SPSB4: variants seen among roughly 807,000 people sequenced by gnomAD.
SPSB4 encodes SPRY domain-containing SOCS box protein 4.
In SPSB4, 21 loss-of-function variants were observed where a neutral mutation model predicts 20.9. The observed-to-expected ratio is 1.01, with a 90% CI of 0.71 to 1.45. The LOEUF (loss-of-function observed/expected upper bound fraction) is 1.45. Ranked by LOEUF, SPSB4 falls within the 40% of genes most tolerant of loss-of-function variation. SPSB4 has a pLI of 0.00. For missense variants in SPSB4, 399 were observed against 399.2 expected (o/e 1.00, Z 0.00); for synonymous variants, 207 against 183.8 (o/e 1.13, Z -1.02).
intron 2 of SPSB4, among the ~76,000 whole-genome samples, chr3:141,111,737 G>A (rs1247146307): frequency 2.0e-5 from 3 of 152,184 alleles, no homozygotes; most frequent in East Asian, 1.9e-4. Context: ...AGCAAATGGA[G>A]TGTTTGGGTC....
rs369063974 is a variant in SPSB4, at chr3:141,069,278, A to G, written c.694+2480A>G. Among the ~76,000 whole-genome samples the G allele has an allele frequency of 2.0e-4, 30 of 152,292 alleles. 1 individual carries two copies. In the East Asian group the frequency reaches 5.0e-3, roughly 25 times the overall value. On this transcript the variant is annotated intron_variant, in intron 2 of 2. Coordinates refer to ENST00000310546, the MANE Select transcript of SPSB4 (RefSeq NM_080862.3). The stretch of plus-strand genomic sequence containing the variant: ...AATCTCTGACTCCAGAGTGGGCCAT[A>G]GGAGAAGCTGCAGTGGAGTCTCGCA...
chr3:141,074,273 G>A (rs1370380222), intron 2 of SPSB4, among the ~76,000 whole-genome samples: 1 of 152,008 alleles, frequency 6.6e-6, no homozygotes, highest in Non-Finnish European at 1.5e-5. Context: ...TTTGCTACGA[G>A]GTGTCAGGAT....
intron 2 of SPSB4, among the ~76,000 whole-genome samples, chr3:141,083,630 C>T (rs1938281968): frequency 6.6e-6 from 1 of 152,038 alleles, no homozygotes. Context: ...GTGCTGTGCT[C>T]CCTGCCTGAT....
At chr3:141,095,639 G>T (rs1025398633) in intron 2 of SPSB4, among the ~76,000 whole-genome samples, 1 of 152,162 alleles carries the variant, frequency 6.6e-6, no homozygotes, top group Non-Finnish European at 1.5e-5. Flanking sequence ...CTGGGAAGCT[G>T]CCAGGACCTG....
intron 2 of SPSB4, among the ~76,000 whole-genome samples, chr3:141,140,272 G>T (rs1478273783): frequency 1.3e-5 from 2 of 151,866 alleles, no homozygotes; most frequent in Non-Finnish European, 2.9e-5. Flanking sequence ...CTTTGCCATT[G>T]GTTCAAACTT....
intron 2 of SPSB4, 64 bp from the exon 3 acceptor site, chr3:141,147,078 G>T: frequency 6.2e-7 from 1 of 1,600,928 alleles, no homozygotes; most frequent in Non-Finnish European, 8.5e-7. Flanking sequence ...ATGCAGTGGG[G>T]GCTGGGATGA....
chr3:141,106,029 T>C (rs980323469), intron 2 of SPSB4, among the ~76,000 whole-genome samples: 1 of 152,280 alleles, frequency 6.6e-6, no homozygotes, highest in Non-Finnish European at 1.5e-5. Flanking sequence ...CTATGGGCCA[T>C]TGGAAGGGAC....
At chr3:141,075,892 CAAAAAA>C (rs532646509) in intron 2 of SPSB4, among the ~76,000 whole-genome samples, 13,664 of 69,010 alleles carry the variant, frequency 0.2, 2,117 homozygotes, top group African/African-American at 0.44. Flanking sequence ...ACTAAAAATA[CAAAAAA>C]AAAAAAAAAA....
At chr3:141,074,783 C>A (rs1421607771) in intron 2 of SPSB4, among the ~76,000 whole-genome samples, 2 of 152,200 alleles carry the variant, frequency 1.3e-5, no homozygotes, top group Non-Finnish European at 2.9e-5. Context: ...GCCCTGAGGG[C>A]CGGCGTCCAC....
intron 2 of SPSB4, among the ~76,000 whole-genome samples, chr3:141,143,038 C>G (rs12489115): frequency 0.26 from 38,767 of 151,770 alleles, 5,551 homozygotes; most frequent in Admixed American, 0.37. Context: ...GGATGGTCTC[C>G]ATCTCCTGAC....
intron 2 of SPSB4, among the ~76,000 whole-genome samples, chr3:141,095,430 A>C (rs1938532241): frequency 6.6e-6 from 1 of 152,138 alleles, no homozygotes; most frequent in African/African-American, 2.4e-5. Flanking sequence ...AGACTTATTC[A>C]TTCCCCACTC....
chr3:141,077,781 A>G (rs889518320), intron 2 of SPSB4, among the ~76,000 whole-genome samples: 1 of 152,308 alleles, frequency 6.6e-6, no homozygotes, highest in Non-Finnish European at 1.5e-5. Flanking sequence ...AGGTGCCAAC[A>G]GTGGGAGTGG....
intron 2 of SPSB4, among the ~76,000 whole-genome samples, chr3:141,070,547 A>C (rs1348260784): frequency 2.0e-5 from 3 of 152,102 alleles, no homozygotes; most frequent in African/African-American, 7.2e-5. Context: ...TAATTTAAAA[A>C]AAAATTTTTT....
intron 2 of SPSB4, among the ~76,000 whole-genome samples, chr3:141,078,689 C>T (rs1030469830): frequency 2.0e-5 from 3 of 152,174 alleles, no homozygotes; most frequent in Non-Finnish European, 4.4e-5. Flanking sequence ...CTTCATTTCA[C>T]TGTTTCTTCC....
At chr3:141,053,550 A>T (rs577656588) in intron 1 of SPSB4, among the ~76,000 whole-genome samples, 1 of 152,314 alleles carries the variant, frequency 6.6e-6, no homozygotes, top group South Asian at 2.1e-4. Context: ...GTCACATATG[A>T]CATATACCAC....
Position 141,064,791 on chromosome 3 carries a change from C to T in SPSB4, c.-153-1161C>T, listed in dbSNP as rs150982714. ...GCTTGGCTCTCCATCTCTCTCCATACCCAGGGCCCGTCCAAGTAGTCCGAG... is the reference window on the plus strand; with the variant it reads ...GCTTGGCTCTCCATCTCTCTCCATATCCAGGGCCCGTCCAAGTAGTCCGAG... On this transcript the variant is annotated intron_variant, in intron 1 of 2. Coordinates refer to ENST00000310546, the MANE Select transcript of SPSB4 (RefSeq NM_080862.3). Among the ~76,000 whole-genome samples, 1,152 of 152,318 alleles carry T rather than the reference C, an allele frequency of 7.6e-3. 7 individuals are homozygous for T. The highest frequency in any genetic ancestry group is 0.016 in the South Asian group (79 of 4,828).
At chr3:141,115,222 C>T (rs1048313657) in intron 2 of SPSB4, 7 of 152,232 alleles carry the variant, frequency 4.6e-5, no homozygotes, top group Non-Finnish European at 7.3e-5. Context: ...CTGGATCCAA[C>T]TGCGTTTGGG....
intron 2 of SPSB4, among the ~76,000 whole-genome samples, chr3:141,130,664 G>T (rs918061024): frequency 2.6e-5 from 4 of 152,168 alleles, no homozygotes; most frequent in Non-Finnish European, 5.9e-5. Context: ...TCTCACTGCA[G>T]GCAGAGAAGA....
chr3:141,089,809 A>G (rs187917280), intron 2 of SPSB4, among the ~76,000 whole-genome samples: 1 of 152,352 alleles, frequency 6.6e-6, no homozygotes, highest in East Asian at 1.9e-4. Flanking sequence ...CACAGAAATC[A>G]TTTCACAATT....
Sources: allele counts gnomAD v4.1 joint callset (sites outside exome capture counted in the v4.1 genomes callset), GRCh38; gene constraint gnomAD v4.1.1; transcripts MANE v1.5; gene names NCBI Gene and HGNC (gene_info 2026-07-23, HGNC 2026-07-21).